Variants in NISCH observed in about 807,000 individuals in gnomAD.
NISCH encodes the protein nischarin, also known as I-1 receptor candidate protein.
A neutral mutation model predicts 138.4 loss-of-function variants in NISCH; 55 were observed. The ratio of observed to expected loss-of-function variants is 0.40; its 90% CI spans 0.32 to 0.50. The LOEUF (loss-of-function observed/expected upper bound fraction) is 0.50. Among genes scored for constraint, NISCH ranks in the 20% least tolerant of loss-of-function variants. The pLI is 0.71. For missense variants in NISCH, 1,643 were observed against 2,005.5 expected (o/e 0.82, Z 3.45); for synonymous variants, 860 against 861.5 (o/e 1.00, Z 0.03).
intron 18 of NISCH, among the ~76,000 whole-genome samples, 187 bp downstream of exon 18, chr3:52,490,418 C>T (rs568858342): frequency 2.0e-5 from 3 of 152,174 alleles, no homozygotes; most frequent in Non-Finnish European, 4.4e-5. Flanking sequence ...CAGATGTGAA[C>T]GCAGAATGCA....
At position 52,484,946 on chromosome 3, in the gene NISCH, C is replaced by T. The variant is rs997109335; in HGVS notation, c.1653+309C>T. On this transcript the variant is annotated intron_variant, in intron 14 of 20. Coordinates refer to ENST00000345716, the MANE Select transcript of NISCH (RefSeq NM_007184.4). Reference sequence around the variant, plus strand: ...GAGGGGGGCAGGTGGAGAGGGTGGCCCTTGACCCTGTGAGCAGGCTTCCCT... The same window carrying T: ...GAGGGGGGCAGGTGGAGAGGGTGGCTCTTGACCCTGTGAGCAGGCTTCCCT... 7.2e-5 allele frequency among the ~76,000 whole-genome samples: 11 copies of T among 152,048 alleles called. 1 individual carries two copies. Among genetic ancestry groups the T allele is most frequent in the Non-Finnish European group, 1.6e-4 (11 of 68,006 alleles).
intron 17 of NISCH, 49 bp from the exon 18 acceptor site, chr3:52,490,026 G>C (rs777319911): frequency 6.2e-7 from 1 of 1,609,008 alleles, no homozygotes; most frequent in South Asian, 1.1e-5. Context: ...TCCCTGGTAT[G>C]TGCAGGTTGC....
At chr3:52,481,154 G>A (rs888792461) in intron 13 of NISCH, 28 of 1,224,368 alleles carry the variant, frequency 2.3e-5, no homozygotes, top group Non-Finnish European at 2.2e-5. Context: ...ATAAGATACC[G>A]GGAAGGGGAG....
Position 52,488,452 on chromosome 3 carries a change from T to C in NISCH, c.2960T>C (p.Leu987Pro). The C allele has an allele frequency of 1.2e-6, 2 of 1,613,686 alleles. No individual in the cohort carries two copies. Among genetic ancestry groups the C allele is most frequent in the Non-Finnish European group, 1.7e-6 (2 of 1,180,006 alleles). The change falls in exon 16 of 21, where the codon CTG (leucine) becomes CCG (proline). Residue 987 changes from leucine to proline, a missense_variant. Physicochemically the swap from Leu to Pro is moderately conservative, Grantham distance 98. Transcript: ENST00000345716. ...GYRFVTAIFV[L>P]PHEKFHFLRV... ...CGCTTTGTCACTGCCATCTTCGTGC[T>C]GCCCCACGAGAAGTTCCACTTCCTG...
intron 16 of NISCH, among the ~76,000 whole-genome samples, chr3:52,488,998 A>G (rs1325408135): frequency 1.3e-5 from 2 of 152,150 alleles, no homozygotes; most frequent in African/African-American, 4.8e-5. Context: ...GCCTCTGGGC[A>G]CTACCTCCTC....
chr3:52,469,482 C>T (rs552935261), intron 3 of NISCH, among the ~76,000 whole-genome samples: 1 of 152,284 alleles, frequency 6.6e-6, no homozygotes, highest in African/African-American at 2.4e-5. Flanking sequence ...TAGAAGCTTC[C>T]GTTGCTGGGT....
intron 1 of NISCH, among the ~76,000 whole-genome samples, chr3:52,456,580 T>C (rs1706478156): frequency 6.6e-6 from 1 of 152,210 alleles, no homozygotes; most frequent in South Asian, 2.1e-4. Flanking sequence ...CTCCCCTTTG[T>C]TCCCGCAGGG....
At chr3:52,457,563 T>C (rs1371931363) in intron 1 of NISCH, among the ~76,000 whole-genome samples, 1 of 152,188 alleles carries the variant, frequency 6.6e-6, no homozygotes, top group Non-Finnish European at 1.5e-5. Context: ...TTTTCATTCC[T>C]TACTGATGGA....
intron 3 of NISCH, among the ~76,000 whole-genome samples, chr3:52,461,690 C>T (rs1245759795): frequency 3.9e-5 from 6 of 151,922 alleles, no homozygotes; most frequent in East Asian, 1.9e-4. Context: ...GGTGAAACCC[C>T]GTCTCTACTA....
chr3:52,479,698 T>C, intron 11 of NISCH, 51 bp from the exon 12 acceptor site: 4 of 1,318,232 alleles, frequency 3.0e-6, no homozygotes, highest in South Asian at 1.3e-5. Flanking sequence ...GTCCCCATGC[T>C]GATAGCCATC....
At chr3:52,477,797 G>T (rs1707147503) in intron 9 of NISCH, 155 bp downstream of exon 9, 1 of 668,634 alleles carries the variant, frequency 1.5e-6, no homozygotes, top group Admixed American at 2.6e-5. Context: ...CTGAGTGATT[G>T]TTGCTCTAGT....
intron 6 of NISCH, 25 bp downstream of exon 6, chr3:52,472,423 C>T (rs763391294): frequency 1.3e-6 from 2 of 1,567,220 alleles, no homozygotes; most frequent in East Asian, 4.5e-5. Context: ...TGCACAGCAT[C>T]CTCTCGCTCC....
rs1482043244 is a variant in NISCH, at chr3:52,463,325, A to G, written c.360+4481A>G. On this transcript the variant is annotated intron_variant, in intron 3 of 20. Coordinates refer to ENST00000345716, the MANE Select transcript of NISCH (RefSeq NM_007184.4). ...GACGGAGTAATAGTGTATTATTTGG[A>G]TATGCCACATTATGTTTATTTATTA... 3.9e-5 allele frequency among the ~76,000 whole-genome samples: 6 copies of G among 152,174 alleles called. 1 individual carries two copies. The highest frequency in any genetic ancestry group is 8.8e-5 in the Non-Finnish European group (6 of 68,042).
chr3:52,489,920 C>A, intron 17 of NISCH, 155 bp from the exon 18 acceptor site: 1 of 1,204,482 alleles, frequency 8.3e-7, no homozygotes. Flanking sequence ...CAACAGCCAT[C>A]TCCCACCCCT....
At chr3:52,457,419 A>AAG (rs1706505022) in intron 1 of NISCH, among the ~76,000 whole-genome samples, 1 of 152,228 alleles carries the variant, frequency 6.6e-6, no homozygotes, top group Admixed American at 6.5e-5. Flanking sequence ...TACAACAGAG[A>AAG]AGATGCTCAG....
At chr3:52,473,854 G>A (rs1333907585) in intron 7 of NISCH, 25 bp downstream of exon 7, 2 of 1,525,578 alleles carry the variant, frequency 1.3e-6, no homozygotes, top group African/African-American at 2.7e-5. Context: ...TATCCTGCCT[G>A]GGGCAATGTC....
rs1706549559 is a variant in NISCH, at chr3:52,458,821, C to G, written c.337C>G (p.His113Asp). 1 of 1,594,414 alleles carries G rather than the reference C, an allele frequency of 6.3e-7. No individual in the cohort carries two copies. Among genetic ancestry groups the G allele is most frequent in the Admixed American group, 1.8e-5 (1 of 54,184 alleles). ...TGGCGTGACCCCCAGAGTACTGGCC[C>G]ACTTCTTGCATTTTCACTTCTATGT... The part of the protein sequence containing the change: ...FPGVTPRVLA[H>D]FLHFHFYEIN... The change falls in exon 3 of 21, where the codon CAC becomes GAC. Residue 113 changes from histidine (H) to aspartate (D), a missense_variant. Physicochemically the swap from His to Asp is moderately conservative, Grantham distance 81. Transcript: ENST00000345716.
At chr3:52,473,926 T>C in intron 7 of NISCH, 97 bp downstream of exon 7, 1 of 718,314 alleles carries the variant, frequency 1.4e-6, no homozygotes, top group South Asian at 2.1e-5. Flanking sequence ...CACTGCTATG[T>C]CTATCAGTAT....
At chr3:52,465,954 G>A (rs1706768061) in intron 3 of NISCH, among the ~76,000 whole-genome samples, 1 of 152,230 alleles carries the variant, frequency 6.6e-6, no homozygotes, top group African/African-American at 2.4e-5. Context: ...CTCTTGAAAG[G>A]TGTTTATATT....
Sources: gnomAD v4.1 joint callset for allele counts (sites outside exome capture counted in the v4.1 genomes callset) on GRCh38, gnomAD v4.1.1 for gene constraint, MANE v1.5 for transcripts, NCBI Gene and HGNC (gene_info 2026-07-23, HGNC 2026-07-21) for gene names.